Variants in IL17B observed in about 807,000 individuals in gnomAD.
IL17B encodes interleukin-17B.
IL17B carries 14 observed loss-of-function variants against 14.7 expected under a neutral mutation model. The ratio of observed to expected loss-of-function variants is 0.95; its 90% CI spans 0.63 to 1.49. IL17B has a LOEUF of 1.49. IL17B is among the 40% of genes most tolerant of loss of function. IL17B has a pLI of 0.00. For missense variants in IL17B, 233 were observed against 252.8 expected (o/e 0.92, Z 0.53); for synonymous variants, 105 against 94.8 (o/e 1.11, Z -0.62).
upstream of IL17B, among the ~76,000 whole-genome samples, chr5:149,381,766 G>A (rs2127618674): frequency 6.6e-6 from 1 of 152,332 alleles, no homozygotes; most frequent in East Asian, 1.9e-4. Flanking sequence ...AGAAACCCCT[G>A]GAGGGTCATC....
chr5:149,391,380 C>T lies in IL17B; in HGVS notation n.95+12728G>A, dbSNP rs183368778. Among the ~76,000 whole-genome samples, 30 of 152,330 alleles carry T rather than the reference C, an allele frequency of 2.0e-4. No homozygotes were observed. The East Asian group carries it at 5.6e-3, about 28-fold the overall frequency. On this transcript the variant is annotated intron_variant and non_coding_transcript_variant, in intron 1 of 2. Transcript: ENST00000505432. ...CCAGGCTTAGAGGCATGGAGAACCTCAGCCACGGGGGTGTCACCAAGTGAC... is the reference window on the plus strand; with the variant it reads ...CCAGGCTTAGAGGCATGGAGAACCTTAGCCACGGGGGTGTCACCAAGTGAC...
intron 1 of IL17B, among the ~76,000 whole-genome samples, chr5:149,386,366 G>A (rs1017595606): frequency 6.6e-6 from 1 of 152,196 alleles, no homozygotes; most frequent in Admixed American, 6.5e-5. Context: ...TTAGAGCACA[G>A]GCAGCAACTC....
intron 1 of IL17B, among the ~76,000 whole-genome samples, chr5:149,390,630 C>CACACACAGAGAG (rs1491235916): frequency 4.5e-5 from 6 of 132,084 alleles, no homozygotes; most frequent in Admixed American, 1.5e-4. Flanking sequence ...CACACACACA[C>CACACACAGAGAG]AGAGATACAC....
intron 1 of IL17B, among the ~76,000 whole-genome samples, chr5:149,387,494 C>T (rs771677326): frequency 3.9e-5 from 6 of 152,130 alleles, no homozygotes; most frequent in Non-Finnish European, 8.8e-5. Flanking sequence ...TTAGCTCAGG[C>T]GCCGTGGCTT....
At chr5:149,381,235 C>G (rs1393080915), upstream of IL17B, among the ~76,000 whole-genome samples, 2 of 152,240 alleles carry the variant, frequency 1.3e-5, no homozygotes, top group Non-Finnish European at 2.9e-5. Context: ...CAAGCCAGGA[C>G]TGACTTGTCA....
chr5:149,386,109 CAG>C (rs1426198430), intron 1 of IL17B, among the ~76,000 whole-genome samples: 4 of 152,176 alleles, frequency 2.6e-5, no homozygotes, highest in African/African-American at 4.8e-5. Flanking sequence ...GTTGTTGGGT[CAG>C]AGAGTGCTGT....
upstream of IL17B, among the ~76,000 whole-genome samples, chr5:149,380,075 C>T (rs985814667): frequency 6.6e-6 from 1 of 152,130 alleles, no homozygotes; most frequent in Admixed American, 6.5e-5. Flanking sequence ...GGGTGGTCTC[C>T]GCTCTCAGAG....
chr5:149,399,683 T>G (rs1308681028), intron 1 of IL17B, among the ~76,000 whole-genome samples: 1 of 152,146 alleles, frequency 6.6e-6, no homozygotes, highest in Non-Finnish European at 1.5e-5. Flanking sequence ...TTTGATTAGC[T>G]GTGGCTGTCA....
At chr5:149,396,901 C>T (rs749022442) in intron 1 of IL17B, among the ~76,000 whole-genome samples, 19 of 152,296 alleles carry the variant, frequency 1.2e-4, no homozygotes, top group Admixed American at 2.0e-4. Context: ...CATTCTCTGA[C>T]GAAGGGCGTT....
At chr5:149,394,986 A>G (rs895633976) in intron 1 of IL17B, among the ~76,000 whole-genome samples, 2 of 152,164 alleles carry the variant, frequency 1.3e-5, no homozygotes, top group Non-Finnish European at 2.9e-5. Context: ...AACAAACGTA[A>G]TACCTGATAG....
At chr5:149,402,689 TAAAAAAA>T (rs370816490) in intron 1 of IL17B, among the ~76,000 whole-genome samples, 30 of 139,184 alleles carry the variant, frequency 2.2e-4, no homozygotes, top group African/African-American at 7.8e-4. Flanking sequence ...ACCATGCTTT[TAAAAAAA>T]AAAAAAAAAA....
chr5:149,389,015 T>C (rs1239297769), intron 1 of IL17B, among the ~76,000 whole-genome samples: 3 of 152,214 alleles, frequency 2.0e-5, no homozygotes, highest in Non-Finnish European at 4.4e-5. Flanking sequence ...TAAAGTCTAG[T>C]TCACAGGAAG....
upstream of IL17B, among the ~76,000 whole-genome samples, chr5:149,382,719 A>G (rs1270507492): frequency 6.6e-6 from 1 of 152,206 alleles, no homozygotes; most frequent in African/African-American, 2.4e-5. Context: ...TCAGCTGGTC[A>G]TTGAGCACGG....
At chr5:149,392,039 T>C (rs1438922803) in intron 1 of IL17B, among the ~76,000 whole-genome samples, 3 of 152,218 alleles carry the variant, frequency 2.0e-5, no homozygotes, top group Non-Finnish European at 2.9e-5. Context: ...ACAGGCCTCT[T>C]GTACATTGCA....
chr5:149,401,013 A>T (rs387936), intron 1 of IL17B, among the ~76,000 whole-genome samples: 1 of 152,206 alleles, frequency 6.6e-6, no homozygotes, highest in South Asian at 2.1e-4. Context: ...CCAGAAACAC[A>T]CCAACAGACA....
upstream of IL17B, among the ~76,000 whole-genome samples, chr5:149,380,630 G>A (rs563780003): frequency 4.6e-5 from 7 of 152,282 alleles, no homozygotes; most frequent in Admixed American, 1.3e-4. Context: ...CAATGTAAGC[G>A]GGCACATCCA....
intron 1 of IL17B, among the ~76,000 whole-genome samples, chr5:149,390,630 C>CACACACAGAG (rs1491235916): frequency 0.011 from 1,402 of 132,002 alleles, 14 homozygotes; most frequent in Admixed American, 0.015. Flanking sequence ...CACACACACA[C>CACACACAGAG]AGAGATACAC....
At chr5:149,390,016 G>A (rs1758905504) in intron 1 of IL17B, among the ~76,000 whole-genome samples, 1 of 152,108 alleles carries the variant, frequency 6.6e-6, no homozygotes, top group Admixed American at 6.5e-5. Flanking sequence ...GGCCTGGAAG[G>A]GGATATTTAA....
At chr5:149,379,106 TA>T in intron 1 of IL17B, 98 bp downstream of exon 1, 1 of 1,478,848 alleles carries the variant, frequency 6.8e-7, no homozygotes, top group Non-Finnish European at 9.4e-7. Flanking sequence ...CTGCAGATTC[TA>T]AACCAAACAG....
Sources: allele counts gnomAD v4.1 joint callset (sites outside exome capture counted in the v4.1 genomes callset), GRCh38; gene constraint gnomAD v4.1.1; transcripts MANE v1.5; gene names NCBI Gene and HGNC (gene_info 2026-07-23, HGNC 2026-07-21).